Variants in PCNT observed in about 807,000 individuals in gnomAD.
PCNT encodes the protein kendrin.
Under a neutral mutation model 380.4 loss-of-function variants are expected in PCNT, and 319 were observed. The observed-to-expected ratio is 0.84, with a 90% CI of 0.77 to 0.92. The LOEUF is 0.92. PCNT is among the 40% of genes least tolerant of loss of function. The pLI is 0.00. For synonymous variants in PCNT, 1,845 were observed against 1,735.2 expected (o/e 1.06, Z -1.57); for missense variants, 4,400 against 4,255.3 (o/e 1.03, Z -0.95).
intron 31 of PCNT, among the ~76,000 whole-genome samples, chr21:46,420,336 T>C (rs550878702): frequency 6.6e-6 from 1 of 152,380 alleles, no homozygotes; most frequent in South Asian, 2.1e-4. Flanking sequence ...CTTTTATTTT[T>C]GTTCTCATTT....
At chr21:46,427,477 G>T in intron 33 of PCNT, 145 bp from the exon 34 acceptor site, 1 of 846,068 alleles carries the variant, frequency 1.2e-6, no homozygotes, top group Non-Finnish European at 1.9e-6. Flanking sequence ...GAGCTCTGGT[G>T]TCTCTTCCTC....
Position 46,346,161 on chromosome 21 carries a change from G to C in PCNT, c.673G>C (p.Asp225His). 6.2e-7 allele frequency: 1 copy of C among 1,614,086 alleles called. No individual in the cohort carries two copies. Among genetic ancestry groups the C allele is most frequent in the Non-Finnish European group, 8.5e-7 (1 of 1,180,018 alleles). The change falls in exon 4 of 47, where the codon GAC becomes CAC. Residue 225 changes from aspartate to histidine, a missense_variant. By Grantham distance (81) the Asp-to-His change is moderately conservative. Transcript: ENST00000359568. Reference protein sequence around the residue: ...CEQECELAITDLESGREDEAG... With the variant: ...CEQECELAITHLESGREDEAG... ...ACAAGAATGTGAACTTGCCATTACT[G>C]ACCTGGAGAGCGGCCGTGAAGATGA...
At chr21:46,428,373 G>T in intron 34 of PCNT, 22 bp from the exon 35 acceptor site, 1 of 1,608,726 alleles carries the variant, frequency 6.2e-7, no homozygotes, top group Non-Finnish European at 8.5e-7. Flanking sequence ...TGCTCAGGCT[G>T]CTTGTCCCAT....
In PCNT at chr21:46,430,568, C is replaced by T; in HGVS notation, c.7975C>T (p.Gln2659Ter). Residue 2659 changes from glutamine (Q) to a stop codon, truncating the protein, a stop_gained, in exon 37 of 47, where the codon CAG (glutamine) becomes TAG (stop). Transcript: ENST00000359568. LOFTEE classifies it high-confidence loss of function. The stretch of plus-strand genomic sequence containing the variant: ...CGCGCTTCAGGAGCTGGAGAGTGAG[C>T]AGGGGAAGGGGCGTGCCCTGCAGAG... ...KAALQELESE[Q>*]GKGRALQSQL... 6.4e-7 allele frequency: 1 copy of T among 1,559,776 alleles called. No individual in the cohort carries two copies.
chr21:46,432,298 G>A lies in PCNT; in HGVS notation c.8751+83G>A, dbSNP rs535651598. 1.1e-4 allele frequency: 144 copies of A among 1,353,792 alleles called. 2 individuals carry two copies. In the East Asian group the frequency reaches 2.3e-3, roughly 22 times the overall value. 83.9% of individuals were successfully genotyped at this position (1,353,792 alleles called of 1,614,324 possible). A position where few individuals can be genotyped will look rare whatever the true frequency, so the allele number is the denominator to read the frequency against. On this transcript the variant is annotated intron_variant, in intron 38 of 46. Coordinates refer to ENST00000359568, the MANE Select transcript of PCNT (RefSeq NM_006031.6). ...AGGATGGTTCACGTGGGGGACGCGA[G>A]ATTTATGTCTGGCCCTCTGACCTGG...
chr21:46,362,398 A>G (rs960551788), intron 13 of PCNT, among the ~76,000 whole-genome samples: 11 of 152,144 alleles, frequency 7.2e-5, no homozygotes, highest in African/African-American at 2.7e-4. Context: ...AGCCCTCTGC[A>G]GGGTCTGTCT....
chr21:46,368,257 A>G (rs2084997247), intron 15 of PCNT, among the ~76,000 whole-genome samples: 1 of 152,194 alleles, frequency 6.6e-6, no homozygotes, highest in Non-Finnish European at 1.5e-5. Flanking sequence ...CATCCTGGCT[A>G]ACACGGTGAA....
chr21:46,348,975 C>A, intron 6 of PCNT, 37 bp from the exon 7 acceptor site: 2 of 1,329,738 alleles, frequency 1.5e-6, no homozygotes, highest in South Asian at 1.2e-5. Flanking sequence ...CACAGATAAT[C>A]AACTATTGAG....
intron 35 of PCNT, 80 bp from the exon 36 acceptor site, chr21:46,429,930 G>A (rs1005408578): frequency 8.8e-6 from 10 of 1,136,508 alleles, no homozygotes; most frequent in East Asian, 4.9e-5. Flanking sequence ...ACGCCCCCAC[G>A]AGTCTGTCTC....
chr21:46,416,070 G>A lies in PCNT; in HGVS notation c.6152G>A (p.Gly2051Asp). 6.2e-7 allele frequency: 1 copy of A among 1,614,042 alleles called. No homozygotes were observed. The highest frequency in any genetic ancestry group is 8.5e-7 in the Non-Finnish European group (1 of 1,180,020). The change falls in exon 30 of 47, where the codon GGT becomes GAT. Residue 2051 changes from glycine (G) to aspartate (D), a missense_variant and splice_region_variant. Coordinates refer to ENST00000359568, the MANE Select transcript of PCNT (RefSeq NM_006031.6). ...GCACCTGTTCTGTTTCACCTGCAGGGTAAAGAAAAAGTACTGGAAGATTGT... is the reference window on the plus strand; with the variant it reads ...GCACCTGTTCTGTTTCACCTGCAGGATAAAGAAAAAGTACTGGAAGATTGT... ...MRLSLEDGGK[G>D]KEKVLEDCQL...
Position 46,431,579 on chromosome 21 carries a change from C to G in PCNT, c.8115C>G (p.Cys2705Trp), listed in dbSNP as rs756904669. The change falls in exon 38 of 47, where the codon TGC becomes TGG. Residue 2705 changes from cysteine to tryptophan, a missense_variant. Cys to Trp is a radical substitution (Grantham distance 215, BLOSUM62 -2). Transcript: ENST00000359568. Reference sequence around the variant, plus strand: ...AGCGTGCTCAGAGCAGTCGACTCTGCGTGGCACTGAAACACGAGCAGACGG... The same window carrying G: ...AGCGTGCTCAGAGCAGTCGACTCTGGGTGGCACTGAAACACGAGCAGACGG... ...ETQRAQSSRL[C>W]VALKHEQTAK... 2.5e-6 allele frequency: 4 copies of G among 1,613,956 alleles called. No homozygotes were observed. The highest frequency in any genetic ancestry group is 3.4e-6 in the Non-Finnish European group (4 of 1,179,982).
intron 3 of PCNT, among the ~76,000 whole-genome samples, chr21:46,344,742 C>T (rs919096384): frequency 2.6e-5 from 4 of 152,216 alleles, no homozygotes; most frequent in Non-Finnish European, 5.9e-5. Context: ...GCAGGGAGGG[C>T]CACAGTGACG....
At position 46,351,675 on chromosome 21, in the gene PCNT, G is replaced by T. The variant is rs144724379; in HGVS notation, c.1456+135G>T. On this transcript the variant is annotated intron_variant, in intron 9 of 46. Coordinates refer to ENST00000359568, the MANE Select transcript of PCNT (RefSeq NM_006031.6). The stretch of plus-strand genomic sequence containing the variant: ...GATTTACCTGTTTGACATCCTGAAG[G>T]TTGAGGTGTCTGGTTTGAAAGTGGA... 36 of 711,288 alleles carry T rather than the reference G, an allele frequency of 5.1e-5. No homozygotes were observed. The East Asian group carries it at 8.1e-4, about 16-fold the overall frequency. 44.1% of individuals were successfully genotyped at this position (711,288 alleles called of 1,614,324 possible). A position where few individuals can be genotyped will look rare whatever the true frequency, so the allele number is the denominator to read the frequency against.
chr21:46,431,556 C>A lies in PCNT; in HGVS notation c.8092C>A (p.Arg2698Ser). ...EELRASLETQ[R>S]AQSSRLCVAL... The stretch of plus-strand genomic sequence containing the variant: ...GCTGCGGGCGTCTTTGGAGACACAG[C>A]GTGCTCAGAGCAGTCGACTCTGCGT... The change falls in exon 38 of 47, where the codon CGT becomes AGT. Residue 2698 changes from arginine (R) to serine (S), a missense_variant. Physicochemically the swap from Arg to Ser is moderately radical, Grantham distance 110. Transcript: ENST00000359568. 1 of 1,614,068 alleles carries A rather than the reference C, an allele frequency of 6.2e-7. No homozygotes were observed. Among genetic ancestry groups the A allele is most frequent in the Non-Finnish European group, 8.5e-7 (1 of 1,179,970 alleles).
At position 46,432,112 on chromosome 21, in the gene PCNT, A is replaced by AT. The variant is rs2087789758; in HGVS notation, c.8648_8649insT (p.Lys2883AsnfsTer45). The AT allele has an allele frequency of 6.2e-7, 1 of 1,614,028 alleles. No individual in the cohort carries two copies. Among genetic ancestry groups the AT allele is most frequent in the Non-Finnish European group, 8.5e-7 (1 of 1,180,050 alleles). On this transcript the variant is annotated frameshift_variant, in exon 38 of 47. Transcript: ENST00000359568. LOFTEE classifies it high-confidence loss of function. ...TTAGAGCAGTCACACCCACGGTTGAAAGAGCAAGAAGGACGCAAGGCTGCG... is the reference window on the plus strand; with the variant it reads ...TTAGAGCAGTCACACCCACGGTTGAATAGAGCAAGAAGGACGCAAGGCTGCG...
In PCNT at chr21:46,402,339, C is replaced by CT; in HGVS notation, c.4973dup (p.Leu1658PhefsTer11). ...TTTTGTTTTAATGAAAGGTTTTGGA[C>CT]TTAAAAGAACAGCTAGAAAAGATGA... is the stretch of plus-strand genomic sequence containing the variant. On this transcript the variant is annotated frameshift_variant, in exon 27 of 47. Coordinates refer to ENST00000359568, the MANE Select transcript of PCNT (RefSeq NM_006031.6). LOFTEE classifies it high-confidence loss of function. 6.2e-7 allele frequency: 1 copy of CT among 1,601,238 alleles called. No homozygotes were observed. The highest frequency in any genetic ancestry group is 8.6e-7 in the Non-Finnish European group (1 of 1,168,544).
At chr21:46,403,919 GCCCA>G (rs2086537539) in intron 27 of PCNT, among the ~76,000 whole-genome samples, 7 of 140,898 alleles carry the variant, frequency 5.0e-5, no homozygotes, top group Admixed American at 1.4e-4. Flanking sequence ...TGTGTGTGGT[GCCCA>G]CGCGGCGCGT....
chr21:46,383,458 G>T (rs1306413415), intron 16 of PCNT, among the ~76,000 whole-genome samples: 42 of 142,058 alleles, frequency 3.0e-4, no homozygotes, highest in Non-Finnish European at 5.0e-4. Context: ...TGCGTTCAGT[G>T]GCAGAAGCGC....
At chr21:46,405,740 G>A (rs2086603123) in intron 27 of PCNT, among the ~76,000 whole-genome samples, 1 of 152,114 alleles carries the variant, frequency 6.6e-6, no homozygotes, top group African/African-American at 2.4e-5. Context: ...CTTTTCAGAA[G>A]AAGTTGTATT....
Sources: allele counts gnomAD v4.1 joint callset (sites outside exome capture counted in the v4.1 genomes callset), GRCh38; gene constraint gnomAD v4.1.1; transcripts MANE v1.5; gene names NCBI Gene and HGNC (gene_info 2026-07-23, HGNC 2026-07-21).